PLCB1: variants seen among roughly 807,000 people sequenced by gnomAD.
PLCB1 encodes the protein 1-phosphatidylinositol 4,5-bisphosphate phosphodiesterase beta-1.
Under a neutral mutation model 161.8 loss-of-function variants are expected in PLCB1, and 46 were observed. The observed-to-expected ratio is 0.28, with a 90% CI of 0.22 to 0.36. PLCB1 has a LOEUF of 0.36. Among genes scored for constraint, PLCB1 ranks in the 10% least tolerant of loss-of-function variants. The probability of loss-of-function intolerance (pLI) is 1.00; values close to 1 mark genes in which losing one functional copy is unlikely to be tolerated. For synonymous variants in PLCB1, 517 were observed against 503.7 expected (o/e 1.03, Z -0.35); for missense variants, 1,016 against 1,472.5 (o/e 0.69, Z 5.07).
At chr20:8,716,810 A>C (rs2076687) in intron 13 of PLCB1, among the ~76,000 whole-genome samples, 30,719 of 152,006 alleles carry the variant, frequency 0.2, 3,192 homozygotes, top group East Asian at 0.35. Flanking sequence ...CGCCCATTGC[A>C]TTGATGATAT....
Position 8,391,779 on chromosome 20 carries a change from G to A in PLCB1, c.246+20329G>A, listed in dbSNP as rs200279788. 6.0e-4 allele frequency among the ~76,000 whole-genome samples: 48 copies of A among 80,564 alleles called. No individual in the cohort carries two copies. In the East Asian group the frequency reaches 0.016, roughly 27 times the overall value. The allele number at this position is 80,564 out of a possible 152,430, so 52.9% of individuals were successfully genotyped here. ...AATAATGAAGTATATATATATATAT[G>A]TGTGTGTATATATATATATATATAT... On this transcript the variant is annotated intron_variant, in intron 3 of 31. Transcript: ENST00000338037.
chr20:8,422,405 A>G (rs546404463), intron 3 of PLCB1, among the ~76,000 whole-genome samples: 2 of 152,230 alleles, frequency 1.3e-5, no homozygotes, highest in East Asian at 1.9e-4. Flanking sequence ...AAATATCTCT[A>G]TCAGAAGCAA....
intron 16 of PLCB1, among the ~76,000 whole-genome samples, chr20:8,726,840 C>G (rs1249455211): frequency 6.6e-6 from 1 of 151,868 alleles, no homozygotes; most frequent in Non-Finnish European, 1.5e-5. Context: ...GTTATTTGAA[C>G]CAAAAAAGTA....
At chr20:8,481,104 C>T (rs1982480374) in intron 3 of PLCB1, among the ~76,000 whole-genome samples, 1 of 151,396 alleles carries the variant, frequency 6.6e-6, no homozygotes, top group South Asian at 2.1e-4. Flanking sequence ...AGACTTAATC[C>T]CCCTACCCCC....
intron 2 of PLCB1, among the ~76,000 whole-genome samples, chr20:8,306,780 G>A (rs1984154603): frequency 1.3e-5 from 2 of 152,088 alleles, no homozygotes; most frequent in South Asian, 4.1e-4. Flanking sequence ...TCTTTTAACG[G>A]AATTTTTAAA....
At chr20:8,425,411 C>G (rs1201229029) in intron 3 of PLCB1, among the ~76,000 whole-genome samples, 3 of 152,106 alleles carry the variant, frequency 2.0e-5, no homozygotes, top group African/African-American at 7.2e-5. Flanking sequence ...TATTCTCCTG[C>G]CTCAATCATG....
At chr20:8,197,166 T>G (rs1241311324) in intron 2 of PLCB1, among the ~76,000 whole-genome samples, 1 of 152,176 alleles carries the variant, frequency 6.6e-6, no homozygotes, top group African/African-American at 2.4e-5. Context: ...TGATTTATAT[T>G]CCTTTGGGTA....
chr20:8,705,233 A>G (rs1978604428), intron 11 of PLCB1, among the ~76,000 whole-genome samples: 1 of 152,220 alleles, frequency 6.6e-6, no homozygotes, highest in African/African-American at 2.4e-5. Flanking sequence ...AATAGAAACT[A>G]TATGGCCAGC....
chr20:8,458,201 G>A (rs1348486485), intron 3 of PLCB1, among the ~76,000 whole-genome samples: 1 of 152,190 alleles, frequency 6.6e-6, no homozygotes, highest in African/African-American at 2.4e-5. Context: ...GTCATTGACT[G>A]TATCGTGACT....
intron 3 of PLCB1, among the ~76,000 whole-genome samples, chr20:8,552,043 A>G (rs1431589818): frequency 1.3e-5 from 2 of 152,220 alleles, no homozygotes; most frequent in East Asian, 3.9e-4. Flanking sequence ...GAGTGCTTTT[A>G]TGCTTGTTTG....
chr20:8,687,232 C>T (rs1468268694), intron 10 of PLCB1, among the ~76,000 whole-genome samples: 2 of 152,012 alleles, frequency 1.3e-5, no homozygotes, highest in Non-Finnish European at 2.9e-5. Context: ...ACTATGTTGC[C>T]CAGGCTGGAC....
chr20:8,576,501 C>T (rs1300067526), intron 3 of PLCB1, among the ~76,000 whole-genome samples: 3 of 152,188 alleles, frequency 2.0e-5, no homozygotes, highest in Non-Finnish European at 2.9e-5. Flanking sequence ...TATTTCCATA[C>T]AATCATTTAA....
At chr20:8,547,882 T>C (rs557112304) in intron 3 of PLCB1, among the ~76,000 whole-genome samples, 4 of 152,344 alleles carry the variant, frequency 2.6e-5, no homozygotes, top group African/African-American at 7.2e-5. Flanking sequence ...CACTCACTTC[T>C]ACAGACCATT....
At chr20:8,774,409 C>G (rs929919037) in intron 26 of PLCB1, 130 bp from the exon 27 acceptor site, 1 of 840,718 alleles carries the variant, frequency 1.2e-6, no homozygotes, top group Admixed American at 2.3e-5. Context: ...TCACCCTCTA[C>G]CCCAAGTGGC....
At chr20:8,684,416 G>A (rs1251365938) in intron 9 of PLCB1, among the ~76,000 whole-genome samples, 1 of 151,466 alleles carries the variant, frequency 6.6e-6, no homozygotes, top group African/African-American at 2.4e-5. Flanking sequence ...CCATGCCCGG[G>A]TTAATTTTTG....
chr20:8,641,370 GTC>G (rs1405663562), intron 4 of PLCB1, among the ~76,000 whole-genome samples: 1 of 152,196 alleles, frequency 6.6e-6, no homozygotes, highest in African/African-American at 2.4e-5. Context: ...ATGGAAGTCA[GTC>G]TCTTTCATTT....
At chr20:8,521,325 G>GA (rs11296333) in intron 3 of PLCB1, among the ~76,000 whole-genome samples, 14 of 148,234 alleles carry the variant, frequency 9.4e-5, no homozygotes, top group East Asian at 4.0e-4. Flanking sequence ...TTATAAAAGG[G>GA]AAAAAAAAAA....
At chr20:8,782,871 T>G (rs1256098154) in intron 27 of PLCB1, among the ~76,000 whole-genome samples, 1 of 152,256 alleles carries the variant, frequency 6.6e-6, no homozygotes, top group African/African-American at 2.4e-5. Flanking sequence ...GCTTTTTGCC[T>G]ATGTTCCAAG....
intron 2 of PLCB1, among the ~76,000 whole-genome samples, chr20:8,276,986 C>CTTCTTCTTATTATTATTATTATTA (rs869194352): frequency 2.1e-5 from 2 of 93,358 alleles, no homozygotes; most frequent in Non-Finnish European, 4.0e-5. Flanking sequence ...TCTTCTTCTT[C>CTTCTTCTTATTATTATTATTATTA]TTATTATTAT....
Sources: allele counts gnomAD v4.1 joint callset (sites outside exome capture counted in the v4.1 genomes callset), GRCh38; gene constraint gnomAD v4.1.1; transcripts MANE v1.5; gene names NCBI Gene and HGNC (gene_info 2026-07-23, HGNC 2026-07-21).